Variants in BSN observed in about 807,000 individuals in gnomAD.
BSN encodes the protein protein bassoon.
A neutral mutation model predicts 264.8 loss-of-function variants in BSN; 57 were observed. That is an observed-to-expected ratio of 0.22 (90% confidence interval 0.17 to 0.27). BSN has a LOEUF of 0.27. BSN is among the 10% of genes least tolerant of loss of function. The pLI is 1.00. For synonymous variants in BSN, 2,059 were observed against 2,137.3 expected (o/e 0.96, Z 1.01); for missense variants, 4,615 against 5,232.5 (o/e 0.88, Z 3.64).
At chr3:49,623,909 T>G (rs2052322073) in intron 1 of BSN, among the ~76,000 whole-genome samples, 1 of 152,248 alleles carries the variant, frequency 6.6e-6, no homozygotes, top group Admixed American at 6.5e-5. Context: ...GAAAAAATAC[T>G]AATGCCAGGG....
intron 1 of BSN, among the ~76,000 whole-genome samples, chr3:49,619,371 G>GA (rs1234335700): frequency 1.3e-5 from 2 of 152,132 alleles, no homozygotes; most frequent in Non-Finnish European, 2.9e-5. Flanking sequence ...CAGCTCTTCA[G>GA]AAAAAATAAT....
At position 49,660,767 on chromosome 3, in the gene BSN, C is replaced by T. The variant is rs759026828; in HGVS notation, c.8922C>T (p.Ala2974=). 7.4e-6 allele frequency: 12 copies of T among 1,613,236 alleles called. No homozygotes were observed. Among genetic ancestry groups the T allele is most frequent in the Non-Finnish European group, 1.0e-5 (12 of 1,180,002 alleles). ...ELDEEEKEID[A]KLKYLELGIT... ...ATGAGGAGGAGAAGGAGATTGACGC[C>T]AAGCTCAAGTACCTGGAGTTGGGTA... Residue 2974 remains alanine (A), a synonymous_variant, in exon 6 of 12, where the codon GCC becomes GCT. Transcript: ENST00000296452. This position sits in a 1 kb window ranked among gnomAD's most constrained non-coding sequence, Gnocchi z 7.1.
intron 1 of BSN, among the ~76,000 whole-genome samples, chr3:49,605,477 T>TTATATAATATATATTA (rs2052112741): frequency 5.4e-4 from 3 of 5,572 alleles, no homozygotes; most frequent in African/African-American, 2.2e-3. Context: ...ATAATATATA[T>TTATATAATATATATTA]TATATAATAT....
Position 49,651,693 on chromosome 3 carries a change from G to GT in BSN, c.2138dup (p.Thr714AspfsTer31). The GT allele has an allele frequency of 1.9e-6, 3 of 1,614,112 alleles. No individual in the cohort carries two copies. The highest frequency in any genetic ancestry group is 2.5e-6 in the Non-Finnish European group (3 of 1,180,016). On this transcript the variant is annotated frameshift_variant, in exon 5 of 12. Coordinates refer to ENST00000296452, the MANE Select transcript of BSN (RefSeq NM_003458.4). LOFTEE classifies it high-confidence loss of function. This position sits in a 1 kb window ranked among gnomAD's most constrained non-coding sequence, Gnocchi z 5.4. ...GGTGGAACAGCTGGACAGTGCAGGGGTGACAGGGCCACATCCACCCAGCCC... is the reference window on the plus strand; with the variant it reads ...GGTGGAACAGCTGGACAGTGCAGGGGTTGACAGGGCCACATCCACCCAGCCC...
chr3:49,607,065 C>T (rs973820215), intron 1 of BSN, among the ~76,000 whole-genome samples: 1 of 152,180 alleles, frequency 6.6e-6, no homozygotes, highest in Non-Finnish European at 1.5e-5. Flanking sequence ...ATCATCTGGG[C>T]CAGCGGACCT....
Position 49,654,513 on chromosome 3 carries a change from A to C in BSN, c.4957A>C (p.Arg1653=). 1 of 1,611,248 alleles carries C rather than the reference A, an allele frequency of 6.2e-7. No homozygotes were observed. The highest frequency in any genetic ancestry group is 8.5e-7 in the Non-Finnish European group (1 of 1,178,716). The change falls in exon 5 of 12, where the codon AGG becomes CGG. Residue 1653 remains arginine, a synonymous_variant. Transcript: ENST00000296452. The surrounding 1 kb of genome is among the most constrained non-coding windows in gnomAD (Gnocchi z 4.1). ...CRISSVPGTS[R]VEPGPRTPGT... ...GATCTCCTCTGTCCCTGGGACGTCT[A>C]GGGTTGAGCCAGGCCCCAGGACCCC...
chr3:49,663,969 C>T, intron 8 of BSN, 83 bp downstream of exon 8: 2 of 1,292,380 alleles, frequency 1.5e-6, no homozygotes, highest in Non-Finnish European at 1.1e-6. Context: ...CCCTGAGCTC[C>T]CCCACACTGC....
In BSN at chr3:49,656,176, C is replaced by A; in HGVS notation, c.6620C>A (p.Pro2207His). 6.2e-7 allele frequency: 1 copy of A among 1,612,502 alleles called. No individual in the cohort carries two copies. The highest frequency in any genetic ancestry group is 8.5e-7 in the Non-Finnish European group (1 of 1,179,604). The change falls in exon 5 of 12, where the codon CCC (proline) becomes CAC (histidine). Residue 2207 changes from proline to histidine, a missense_variant. Physicochemically the swap from Pro to His is moderately conservative, Grantham distance 77. Around this residue, in one of 3 missense-constraint regions of BSN, gnomAD observed 3,415 missense variants for 3,866.4 expected, o/e 0.88. Coordinates refer to ENST00000296452, the MANE Select transcript of BSN (RefSeq NM_003458.4). Reference protein sequence around the residue: ...TINTPIAATLPITTQPASVLR... With the variant: ...TINTPIAATLHITTQPASVLR... ...AATACCCCAATTGCTGCAACACTGCCCATCACCACCCAGCCTGCCTCAGTC... is the reference window on the plus strand; with the variant it reads ...AATACCCCAATTGCTGCAACACTGCACATCACCACCCAGCCTGCCTCAGTC...
chr3:49,555,407 A>G (rs1172860750), intron 1 of BSN, among the ~76,000 whole-genome samples: 1 of 152,256 alleles, frequency 6.6e-6, no homozygotes, highest in Non-Finnish European at 1.5e-5. Context: ...TTTAGGCCCA[A>G]CAATACTAAT....
In BSN at chr3:49,662,967, TTCC is replaced by T. The variant is rs777212303; in HGVS notation, c.10819_10821del (p.Ser3607del). ...TCAGGCACCACGGGGGCCATGCAGT[TTCC>T]TCCTCCTCCCAGAAGCGAGGCCCTG... On this transcript the variant is annotated inframe_deletion, in exon 7 of 12. Transcript: ENST00000296452. The T allele has an allele frequency of 3.7e-6, 6 of 1,614,114 alleles. No homozygotes were observed. Among genetic ancestry groups the T allele is most frequent in the South Asian group, 3.3e-5 (3 of 91,086 alleles).
chr3:49,607,854 G>A (rs769763145), intron 1 of BSN, among the ~76,000 whole-genome samples: 7 of 152,222 alleles, frequency 4.6e-5, no homozygotes, highest in African/African-American at 1.4e-4. Flanking sequence ...GCCTCTTCTC[G>A]TCAAGGGTGG....
intron 3 of BSN, 114 bp downstream of exon 3, chr3:49,643,266 C>G (rs1244244058): frequency 6.9e-7 from 1 of 1,446,304 alleles, no homozygotes; most frequent in East Asian, 2.4e-5. Context: ...TGGGGCTGCT[C>G]CTGTACAACT....
intron 1 of BSN, among the ~76,000 whole-genome samples, chr3:49,574,203 A>C (rs1378092458): frequency 7.1e-6 from 1 of 140,450 alleles, no homozygotes; most frequent in Admixed American, 7.0e-5. Flanking sequence ...CCTGGGCTAA[A>C]GCGATCTGCC....
rs575147227 is a variant in BSN at position 49,663,304 on chromosome 3, C to T, written c.11146C>T (p.His3716Tyr). 1 of 1,614,096 alleles carries T rather than the reference C, an allele frequency of 6.2e-7. No individual in the cohort carries two copies. Among genetic ancestry groups the T allele is most frequent in the African/African-American group, 1.3e-5 (1 of 75,070 alleles). The change falls in exon 7 of 12, where the codon CAT (histidine) becomes TAT (tyrosine). Residue 3716 changes from histidine (H) to tyrosine (Y), a missense_variant. Transcript: ENST00000296452. Reference sequence around the variant, plus strand: ...GCCATCCCGTGCTTCATCCGCATACCATCATGCCTCTGACAGCAAGAAGGG... The same window carrying T: ...GCCATCCCGTGCTTCATCCGCATACTATCATGCCTCTGACAGCAAGAAGGG... ...SQPSRASSAY[H>Y]HASDSKKGSR...
At chr3:49,564,459 C>T (rs2051738325) in intron 1 of BSN, among the ~76,000 whole-genome samples, 1 of 152,220 alleles carries the variant, frequency 6.6e-6, no homozygotes, top group South Asian at 2.1e-4. Flanking sequence ...TGGAACCTGA[C>T]TGTGTTCCAT....
chr3:49,590,170 G>T (rs1376075682), intron 1 of BSN, among the ~76,000 whole-genome samples: 1 of 152,018 alleles, frequency 6.6e-6, no homozygotes, highest in Non-Finnish European at 1.5e-5. Flanking sequence ...GTTTTGTGTT[G>T]TAAAGTCTGT....
Position 49,653,108 on chromosome 3 carries a change from T to A in BSN, c.3552T>A (p.Ala1184=). The change falls in exon 5 of 12, where the codon GCT becomes GCA. Residue 1184 remains alanine, a synonymous_variant. Coordinates refer to ENST00000296452, the MANE Select transcript of BSN (RefSeq NM_003458.4). The surrounding 1 kb of genome is among the most constrained non-coding windows in gnomAD (Gnocchi z 6.3). ...GTTCCGGACGGCCGCTCAAGAGCGC[T>A]GAGGAGGCTTATGAGGAGATGATGC... ...TPSSGRPLKS[A]EEAYEEMMRK... is the part of the protein sequence containing the mutation. 6.2e-7 allele frequency: 1 copy of A among 1,613,348 alleles called. No homozygotes were observed. The highest frequency in any genetic ancestry group is 1.1e-5 in the South Asian group (1 of 91,086).
chr3:49,554,959 C>A, intron 1 of BSN, 133 bp downstream of exon 1: 1 of 513,810 alleles, frequency 1.9e-6, no homozygotes, highest in Non-Finnish European at 2.9e-6. Flanking sequence ...GCCGGATTGG[C>A]GTGAACTGGG....
intron 1 of BSN, among the ~76,000 whole-genome samples, chr3:49,589,840 C>CTT: frequency 7.6e-6 from 1 of 130,926 alleles, no homozygotes; most frequent in Non-Finnish European, 1.6e-5. Flanking sequence ...CTTTCTTTTT[C>CTT]TTTGTTTTTT....
Sources: gnomAD v4.1 joint callset for allele counts (sites outside exome capture counted in the v4.1 genomes callset) on GRCh38, gnomAD v4.1.1 for gene constraint, gnomAD v4.1.1 regional missense constraint, Gnocchi (gnomAD v3.1) non-coding constraint, MANE v1.5 for transcripts, NCBI Gene and HGNC (gene_info 2026-07-23, HGNC 2026-07-21) for gene names.